The following ACAD10 variants were observed in gnomAD, a reference collection of about 807,000 sequenced individuals.
The protein encoded by ACAD10 is acyl-CoA dehydrogenase family member 10, also known as ACAD-10.
ACAD10 carries 112 observed loss-of-function variants against 116.8 expected under a neutral mutation model. That is an observed-to-expected ratio of 0.96 (90% confidence interval 0.82 to 1.12). The LOEUF (loss-of-function observed/expected upper bound fraction) is 1.12, where lower values mean the gene tolerates loss of function less well. Among genes scored for constraint, ACAD10 ranks in the 50% most tolerant of loss-of-function variants. The probability of loss-of-function intolerance (pLI) is 0.00; values close to 1 mark genes in which losing one functional copy is unlikely to be tolerated. For missense variants in ACAD10, 1,259 were observed against 1,350.2 expected, an observed-to-expected ratio of 0.93 and a Z score of 1.06; for synonymous variants, 486 against 510.6, an observed-to-expected ratio of 0.95 and a Z score of 0.65.
At chr12:111,733,860 G>T (rs183879373) in intron 10 of ACAD10, 63 bp from the exon 11 acceptor site, 3 of 1,604,794 alleles carry the variant, frequency 1.9e-6, no homozygotes, top group Non-Finnish European at 2.6e-6. Flanking sequence ...AACAGACCAC[G>T]CAGAATCCAC....
At chr12:111,693,048 G>A (rs1387661937) in intron 2 of ACAD10, 152 bp downstream of exon 2, 3 of 772,268 alleles carry the variant, frequency 3.9e-6, no homozygotes, top group Admixed American at 2.9e-5. Context: ...ACCACTAGGG[G>A]GCTGAGTGTC....
At chr12:111,753,748 G>C (rs1437351784) in intron 18 of ACAD10, 24 bp from the exon 19 acceptor site, 2 of 1,613,720 alleles carry the variant, frequency 1.2e-6, no homozygotes, top group East Asian at 2.2e-5. Context: ...CATGTCCTCA[G>C]CCGCACATCT....
At chr12:111,751,427 A>T (rs981023719) in intron 18 of ACAD10, among the ~76,000 whole-genome samples, 1 of 152,156 alleles carries the variant, frequency 6.6e-6, no homozygotes, top group Non-Finnish European at 1.5e-5. Flanking sequence ...ATACGGCAAA[A>T]CCTCATCTCT....
intron 4 of ACAD10, among the ~76,000 whole-genome samples, chr12:111,708,598 G>C (rs958906512): frequency 2.0e-5 from 3 of 152,126 alleles, no homozygotes; most frequent in Non-Finnish European, 4.4e-5. Context: ...GTAGGGTAGA[G>C]AGAGGGGCCA....
At position 111,744,871 on chromosome 12, in the gene ACAD10, C is replaced by T. The variant is rs201684179; in HGVS notation, c.1943C>T (p.Ser648Leu). 3.1e-6 allele frequency: 5 copies of T among 1,614,084 alleles called. No individual in the cohort carries two copies. The Admixed American group carries it at 8.3e-5, about 27-fold the overall frequency. Residue 648 changes from serine (S) to leucine (L), a missense_variant, in exon 13 of 21, where the codon TCA becomes TTA. By Grantham distance (145) the Ser-to-Leu change is moderately radical. Coordinates refer to ENST00000313698, the MANE Select transcript of ACAD10 (RefSeq NM_025247.6). ...SVPEASPAHT[S>L]RGGLVISPES... ...CCAGAAGCTTCCCCAGCTCATACCT[C>T]AAGGGGAGGTCTGGTTATCTCTCCA...
rs747460658 is a variant in ACAD10 at position 111,728,104 on chromosome 12, G to T, written c.1204G>T (p.Asp402Tyr). The T allele has an allele frequency of 6.2e-7, 1 of 1,613,000 alleles. No homozygotes were observed. Among genetic ancestry groups the T allele is most frequent in the Admixed American group, 1.7e-5 (1 of 59,730 alleles). The change falls in exon 9 of 21, where the codon GAT becomes TAT. Residue 402 changes from aspartate to tyrosine, a missense_variant. By Grantham distance (160) the Asp-to-Tyr change is radical. Coordinates refer to ENST00000313698, the MANE Select transcript of ACAD10 (RefSeq NM_025247.6). ...NTVLCKIHSVDLQAVGLEDYG... is the reference protein window; with the variant it reads ...NTVLCKIHSVYLQAVGLEDYG... Reference sequence around the variant, plus strand: ...AGTCCTGTGCAAAATTCACAGTGTGGATCTGCAGGCTGTGGGACTTGAAGA... The same window carrying T: ...AGTCCTGTGCAAAATTCACAGTGTGTATCTGCAGGCTGTGGGACTTGAAGA...
intron 10 of ACAD10, chr12:111,733,681 A>G (rs1357514581): frequency 1.8e-6 from 1 of 541,516 alleles, no homozygotes; most frequent in Non-Finnish European, 3.3e-6. Flanking sequence ...GGCTGCAGAG[A>G]AGGAGCTGGG....
intron 10 of ACAD10, among the ~76,000 whole-genome samples, chr12:111,732,160 G>T (rs1889404754): frequency 6.6e-6 from 1 of 152,180 alleles, no homozygotes; most frequent in Admixed American, 6.6e-5. Flanking sequence ...TTCTTGTAAA[G>T]AAGCATCTGC....
intron 12 of ACAD10, 61 bp downstream of exon 12, chr12:111,737,065 C>G: frequency 6.4e-7 from 1 of 1,557,382 alleles, no homozygotes; most frequent in Non-Finnish European, 8.7e-7. Context: ...GACCGTGCCT[C>G]CACCTGGAAA....
At chr12:111,737,698 TCTC>T (rs1386899934) in intron 12 of ACAD10, among the ~76,000 whole-genome samples, 1 of 152,212 alleles carries the variant, frequency 6.6e-6, no homozygotes, top group Non-Finnish European at 1.5e-5. Context: ...GTCTTCTCTC[TCTC>T]CTCCTACTTT....
At chr12:111,722,875 T>G (rs1388123787) in intron 8 of ACAD10, among the ~76,000 whole-genome samples, 1 of 151,558 alleles carries the variant, frequency 6.6e-6, no homozygotes, top group Non-Finnish European at 1.5e-5. Context: ...ATTGTCATCC[T>G]GGCCCGTTCT....
At chr12:111,713,642 GA>G (rs962774673) in intron 6 of ACAD10, among the ~76,000 whole-genome samples, 40 of 136,930 alleles carry the variant, frequency 2.9e-4, no homozygotes, top group Middle Eastern at 3.8e-3. Flanking sequence ...AAAAGGAAAA[GA>G]AAAAAAAAAA....
rs751976993 is a variant in ACAD10, at chr12:111,744,824, C to T, written c.1896C>T (p.Gly632=). ...CCCAGTCCCAGTGGTGCCCCACAGG[C>T]AGCAGGAGTTATAGCTCCGTTCCAG... ...ARPQSQWCPT[G]SRSYSSVPEA... The change falls in exon 13 of 21, where the codon GGC becomes GGT. Residue 632 remains glycine (G), a synonymous_variant. Coordinates refer to ENST00000313698, the MANE Select transcript of ACAD10 (RefSeq NM_025247.6). 6.2e-7 allele frequency: 1 copy of T among 1,614,232 alleles called. No individual in the cohort carries two copies. The highest frequency in any genetic ancestry group is 8.5e-7 in the Non-Finnish European group (1 of 1,180,038).
intron 8 of ACAD10, among the ~76,000 whole-genome samples, chr12:111,727,234 AAATAAAT>A (rs1220926634): frequency 1.3e-5 from 2 of 150,942 alleles, no homozygotes; most frequent in East Asian, 3.9e-4. Context: ...TCAAAAAAAT[AAATAAAT>A]AGGCCGGGAG....
intron 6 of ACAD10, among the ~76,000 whole-genome samples, chr12:111,714,489 AC>A (rs1888784740): frequency 6.7e-6 from 1 of 149,860 alleles, no homozygotes; most frequent in Non-Finnish European, 1.5e-5. Context: ...ACATGGCGAA[AC>A]TCCATCTCTA....
chr12:111,719,182 T>G (rs980432277), intron 7 of ACAD10, among the ~76,000 whole-genome samples: 3 of 152,204 alleles, frequency 2.0e-5, no homozygotes, highest in Non-Finnish European at 4.4e-5. Context: ...TGGGGGTTTT[T>G]TTCTTGATAT....
Position 111,753,951 on chromosome 12 carries a change from A to G in ACAD10, c.2961+36A>G, listed in dbSNP as rs749648942. 4.5e-6 allele frequency: 7 copies of G among 1,566,274 alleles called. No homozygotes were observed. In the Admixed American group the frequency reaches 1.3e-4, roughly 29 times the overall value. On this transcript the variant is annotated intron_variant, in intron 19 of 20. Transcript: ENST00000313698. ...GGGCACGAGGGGGCCTCCCAGAGGC[A>G]GAGATTCTTCCTCCTCACTCAGCAA...
chr12:111,726,085 C>T (rs1437622224), intron 8 of ACAD10, among the ~76,000 whole-genome samples: 3 of 151,992 alleles, frequency 2.0e-5, no homozygotes, highest in African/African-American at 7.2e-5. Context: ...GAAACCCCGT[C>T]TCTACTGAAA....
intron 5 of ACAD10, 72 bp from the exon 6 acceptor site, chr12:111,712,426 A>AGGC: frequency 7.1e-7 from 1 of 1,407,884 alleles, no homozygotes; most frequent in East Asian, 2.3e-5. Flanking sequence ...ATATATTCTC[A>AGGC]ACATCCTGTG....
Sources: gnomAD v4.1 joint callset for allele counts (sites outside exome capture counted in the v4.1 genomes callset) on GRCh38, gnomAD v4.1.1 for gene constraint, MANE v1.5 for transcripts, NCBI Gene and HGNC (gene_info 2026-07-23, HGNC 2026-07-21) for gene names.